The following CSMD1 variants were observed in gnomAD, a reference collection of about 807,000 sequenced individuals.
CSMD1 encodes the protein CUB and sushi domain-containing protein 1.
A neutral mutation model predicts 417.5 loss-of-function variants in CSMD1; 213 were observed. The ratio of observed to expected loss-of-function variants is 0.51; its 90% CI spans 0.46 to 0.57. CSMD1 has a LOEUF of 0.57. Among genes scored for constraint, CSMD1 ranks in the 20% least tolerant of loss-of-function variants. The pLI is 0.00. For synonymous variants in CSMD1, 2,862 were observed against 1,736.8 expected (o/e 1.65, Z -16.11); for missense variants, 6,923 against 4,529.7 (o/e 1.53, Z -15.17).
At chr8:3,297,373 C>A (rs1051816502) in intron 25 of CSMD1, among the ~76,000 whole-genome samples, 6 of 151,970 alleles carry the variant, frequency 3.9e-5, no homozygotes, top group Non-Finnish European at 7.4e-5. Flanking sequence ...TCACAGTGAT[C>A]TATATGAAGA....
chr8:3,821,750 C>G (rs1333907018), intron 5 of CSMD1, among the ~76,000 whole-genome samples: 1 of 152,122 alleles, frequency 6.6e-6, no homozygotes, highest in South Asian at 2.1e-4. Flanking sequence ...CCACTGCACT[C>G]CAGCCTGGGT....
intron 7 of CSMD1, among the ~76,000 whole-genome samples, chr8:3,625,026 AT>A (rs908382299): frequency 1.3e-5 from 2 of 152,042 alleles, no homozygotes; most frequent in Admixed American, 1.3e-4. Flanking sequence ...TAAGAGGATA[AT>A]TTTGATTTAC....
chr8:3,665,816 G>T (rs138276093), intron 7 of CSMD1, among the ~76,000 whole-genome samples: 270 of 152,264 alleles, frequency 1.8e-3, no homozygotes, highest in African/African-American at 6.3e-3. Flanking sequence ...GGAATCTCTT[G>T]AATGATCAAC....
chr8:3,634,248 T>TGGCCACTTGGTCC (rs1237289217), intron 7 of CSMD1, among the ~76,000 whole-genome samples: 2 of 152,198 alleles, frequency 1.3e-5, no homozygotes. Context: ...TGGGGGCCTT[T>TGGCCACTTGGTCC]GGCCACTTGG....
chr8:4,794,748 G>C (rs1161492069), intron 1 of CSMD1, among the ~76,000 whole-genome samples: 2 of 152,144 alleles, frequency 1.3e-5, no homozygotes, highest in Non-Finnish European at 2.9e-5. Context: ...ACAGATTATT[G>C]AGCCATTTGA....
At chr8:3,685,243 A>G (rs973010023) in intron 7 of CSMD1, among the ~76,000 whole-genome samples, 1 of 152,184 alleles carries the variant, frequency 6.6e-6, no homozygotes, top group Admixed American at 6.5e-5. Flanking sequence ...AGTGACTATA[A>G]AATAAAGTTG....
intron 1 of CSMD1, among the ~76,000 whole-genome samples, chr8:4,718,813 A>G (rs1014215917): frequency 6.6e-6 from 1 of 152,090 alleles, no homozygotes; most frequent in Non-Finnish European, 1.5e-5. Flanking sequence ...TTAACATGAA[A>G]TATTCAAGAC....
intron 50 of CSMD1, among the ~76,000 whole-genome samples, chr8:3,036,317 C>G (rs931020317): frequency 6.6e-6 from 1 of 152,158 alleles, no homozygotes; most frequent in Non-Finnish European, 1.5e-5. Context: ...ATTTCAGAAA[C>G]TTATCATAAA....
At chr8:4,284,618 C>G (rs1002126525) in intron 3 of CSMD1, among the ~76,000 whole-genome samples, 34 of 152,222 alleles carry the variant, frequency 2.2e-4, no homozygotes, top group Middle Eastern at 3.4e-3. Flanking sequence ...GATGGTAAAA[C>G]TCACAGCAAC....
At chr8:3,321,589 T>C (rs1806159420) in intron 23 of CSMD1, among the ~76,000 whole-genome samples, 1 of 152,214 alleles carries the variant, frequency 6.6e-6, no homozygotes, top group Non-Finnish European at 1.5e-5. Context: ...CCAGAGAACA[T>C]GCATTGTTTA....
intron 11 of CSMD1, among the ~76,000 whole-genome samples, chr8:3,471,088 T>C (rs562929964): frequency 6.6e-6 from 1 of 152,308 alleles, no homozygotes; most frequent in African/African-American, 2.4e-5. Context: ...TTAAAGAAAC[T>C]ACCAAATTTT....
intron 2 of CSMD1, among the ~76,000 whole-genome samples, chr8:4,502,594 C>T (rs1055619769): frequency 6.6e-6 from 1 of 152,136 alleles, no homozygotes; most frequent in African/African-American, 2.4e-5. Context: ...ATTGCCACTC[C>T]TCATTTTAAA....
At chr8:4,377,256 C>T (rs1469454757) in intron 3 of CSMD1, among the ~76,000 whole-genome samples, 1 of 152,086 alleles carries the variant, frequency 6.6e-6, no homozygotes, top group African/African-American at 2.4e-5. Flanking sequence ...TTAAACAAAG[C>T]AACTATCACC....
At chr8:3,859,253 C>G (rs1384625366) in intron 5 of CSMD1, among the ~76,000 whole-genome samples, 1 of 152,218 alleles carries the variant, frequency 6.6e-6, no homozygotes, top group East Asian at 1.9e-4. Flanking sequence ...GCCATTCAAT[C>G]CCACTCACTG....
intron 3 of CSMD1, among the ~76,000 whole-genome samples, chr8:4,205,415 G>T (rs1018485403): frequency 1.3e-5 from 2 of 152,188 alleles, no homozygotes; most frequent in Non-Finnish European, 2.9e-5. Flanking sequence ...TCTCTTTTTA[G>T]TATCACCAAA....
chr8:3,832,707 G>A (rs534509687), intron 5 of CSMD1, among the ~76,000 whole-genome samples: 6 of 152,074 alleles, frequency 3.9e-5, no homozygotes, highest in East Asian at 3.9e-4. Context: ...ATTTCAGAAC[G>A]AAACAAAAAT....
intron 3 of CSMD1, among the ~76,000 whole-genome samples, chr8:4,259,399 T>C (rs752138583): frequency 5.3e-5 from 8 of 152,136 alleles, no homozygotes; most frequent in Non-Finnish European, 7.4e-5. Context: ...GCTCCCAAAC[T>C]AGCTTCATTC....
At chr8:3,286,653 C>G in intron 25 of CSMD1, among the ~76,000 whole-genome samples, 1 of 146,748 alleles carries the variant, frequency 6.8e-6, no homozygotes. Context: ...TCATATCCTT[C>G]ACCCACTTAT....
intron 2 of CSMD1, among the ~76,000 whole-genome samples, chr8:4,607,026 G>C (rs976092129): frequency 6.6e-6 from 1 of 152,132 alleles, no homozygotes; most frequent in African/African-American, 2.4e-5. Flanking sequence ...CAGTGGTAAA[G>C]TTTGAAAATC....
Sources: allele counts gnomAD v4.1 joint callset (sites outside exome capture counted in the v4.1 genomes callset), GRCh38; gene constraint gnomAD v4.1.1; transcripts MANE v1.5; gene names NCBI Gene and HGNC (gene_info 2026-07-23, HGNC 2026-07-21).